Variants in RARB observed in about 807,000 individuals in gnomAD.
RARB encodes retinoic acid receptor beta, also known as HBV-activated protein.
A neutral mutation model predicts 51.9 loss-of-function variants in RARB; 17 were observed. That is an observed-to-expected ratio of 0.33 (90% CI 0.22 to 0.49). The LOEUF is 0.49. Ranked by LOEUF, RARB falls within the 20% of genes least tolerant of loss-of-function variation. RARB has a pLI of 0.99. For synonymous variants in RARB, 215 were observed against 195.4 expected, an observed-to-expected ratio of 1.10 and a Z score of -0.84; for missense variants, 369 against 550.8, an observed-to-expected ratio of 0.67 and a Z score of 3.30.
At chr3:25,003,673 C>T (rs1449232734) in intron 2 of RARB, among the ~76,000 whole-genome samples, 1 of 151,946 alleles carries the variant, frequency 6.6e-6, no homozygotes, top group Non-Finnish European at 1.5e-5. Flanking sequence ...TAATTACTTA[C>T]AATAAAATAT....
intron 2 of RARB, among the ~76,000 whole-genome samples, chr3:25,030,527 T>A (rs931627129): frequency 6.6e-6 from 1 of 152,254 alleles, no homozygotes; most frequent in Non-Finnish European, 1.5e-5. Context: ...TTTTGAGGTT[T>A]AATTTAGTTA....
chr3:25,271,267 G>A (rs1481846786), intron 5 of RARB, among the ~76,000 whole-genome samples: 3 of 152,160 alleles, frequency 2.0e-5, no homozygotes, highest in African/African-American at 7.2e-5. Flanking sequence ...GTGGCTGCAG[G>A]CTTGCATTTG....
chr3:25,070,787 A>G (rs1167998745), intron 3 of RARB, among the ~76,000 whole-genome samples: 1 of 152,196 alleles, frequency 6.6e-6, no homozygotes, highest in Admixed American at 6.5e-5. Context: ...CCCTGCAGGC[A>G]TCAGTCACTT....
At chr3:24,907,103 A>G (rs896497117) in intron 2 of RARB, among the ~76,000 whole-genome samples, 2 of 152,126 alleles carry the variant, frequency 1.3e-5, no homozygotes, top group Non-Finnish European at 2.9e-5. Context: ...CCCCCATGTG[A>G]TAGGTATTAT....
At chr3:25,424,685 G>T, upstream of RARB, among the ~76,000 whole-genome samples, 1 of 152,122 alleles carries the variant, frequency 6.6e-6, no homozygotes, top group East Asian at 1.9e-4. Context: ...GTGGTGGGGG[G>T]GGATATGTCT....
chr3:25,027,728 G>A (rs1281702565), intron 2 of RARB, among the ~76,000 whole-genome samples: 1 of 151,984 alleles, frequency 6.6e-6, no homozygotes, highest in Non-Finnish European at 1.5e-5. Flanking sequence ...GCAATTATAA[G>A]TAACCTATTT....
intron 5 of RARB, among the ~76,000 whole-genome samples, chr3:25,396,598 C>G (rs1049639517): frequency 2.6e-5 from 4 of 152,182 alleles, no homozygotes; most frequent in Middle Eastern, 3.4e-3. Flanking sequence ...ACAGAGCTCC[C>G]AAGAGATTAT....
intron 2 of RARB, among the ~76,000 whole-genome samples, chr3:24,890,753 G>A (rs538581138): frequency 6.6e-6 from 1 of 152,124 alleles, no homozygotes; most frequent in African/African-American, 2.4e-5. Context: ...AGAGGTCTCT[G>A]TTCTGTTCTT....
intron 3 of RARB, among the ~76,000 whole-genome samples, chr3:25,127,167 T>C (rs1008626777): frequency 1.3e-5 from 2 of 152,146 alleles, no homozygotes; most frequent in Admixed American, 1.3e-4. Context: ...TGTCACACTC[T>C]GCTTAAAATC....
intron 2 of RARB, among the ~76,000 whole-genome samples, chr3:24,966,873 C>T (rs1408391945): frequency 6.6e-6 from 1 of 151,996 alleles, no homozygotes; most frequent in Non-Finnish European, 1.5e-5. Context: ...TTAATAAAGT[C>T]CTATACATTT....
At chr3:25,194,704 A>C (rs56039950) in intron 5 of RARB, among the ~76,000 whole-genome samples, 11,962 of 151,450 alleles carry the variant, frequency 0.079, 634 homozygotes, top group Non-Finnish European at 0.12. Flanking sequence ...ATAAATGTTT[A>C]TTGACCAGAA....
chr3:24,876,304 C>G (rs563100285), intron 2 of RARB, among the ~76,000 whole-genome samples: 1 of 152,224 alleles, frequency 6.6e-6, no homozygotes, highest in South Asian at 2.1e-4. Flanking sequence ...TGGATCTTGT[C>G]TATGACAATT....
intron 5 of RARB, among the ~76,000 whole-genome samples, chr3:25,232,070 A>G (rs1702191077): frequency 6.6e-6 from 1 of 152,152 alleles, no homozygotes; most frequent in African/African-American, 2.4e-5. Context: ...TTGCATATAG[A>G]TATCAAATTT....
intron 5 of RARB, among the ~76,000 whole-genome samples, chr3:25,202,969 A>C (rs957847507): frequency 6.6e-6 from 1 of 152,158 alleles, no homozygotes; most frequent in African/African-American, 2.4e-5. Flanking sequence ...TGCAGAGCTG[A>C]GTTCAGTTCC....
upstream of RARB, among the ~76,000 whole-genome samples, chr3:25,427,802 T>C (rs976716228): frequency 4.0e-5 from 6 of 151,656 alleles, no homozygotes; most frequent in African/African-American, 1.2e-4. Flanking sequence ...TTTTCTGGAG[T>C]GGAAAAATAC....
At chr3:24,951,036 C>T (rs544479715) in intron 2 of RARB, among the ~76,000 whole-genome samples, 2 of 152,282 alleles carry the variant, frequency 1.3e-5, no homozygotes, top group Admixed American at 6.5e-5. Flanking sequence ...AAGAGCAGGG[C>T]AAGCTAGTAG....
chr3:24,970,599 A>ACACACACACACACG (rs1291092166), intron 2 of RARB, among the ~76,000 whole-genome samples: 1 of 150,716 alleles, frequency 6.6e-6, no homozygotes, highest in Non-Finnish European at 1.5e-5. Flanking sequence ...ACACACACAC[A>ACACACACACACACG]CACACAAACA....
intron 3 of RARB, among the ~76,000 whole-genome samples, chr3:25,503,392 G>C (rs966096448): frequency 1.3e-5 from 2 of 152,196 alleles, no homozygotes; most frequent in African/African-American, 4.8e-5. Context: ...GAGTAAGCCA[G>C]ATGTGGACTC....
At chr3:25,228,217 G>GTT (rs55796125) in intron 5 of RARB, among the ~76,000 whole-genome samples, 3,928 of 105,372 alleles carry the variant, frequency 0.037, 232 homozygotes, top group African/African-American at 0.14. Flanking sequence ...GACTTTGAGG[G>GTT]TTTTTTTTTT....
Sources: allele counts gnomAD v4.1 joint callset (sites outside exome capture counted in the v4.1 genomes callset), GRCh38; gene constraint gnomAD v4.1.1; transcripts MANE v1.5; gene names NCBI Gene and HGNC (gene_info 2026-07-23, HGNC 2026-07-21).